AQR: variants seen among roughly 807,000 people sequenced by gnomAD.
AQR encodes RNA helicase aquarius.
Under a neutral mutation model 180.5 loss-of-function variants are expected in AQR, and 61 were observed. That is an observed-to-expected ratio of 0.34 (90% CI 0.28 to 0.42). The LOEUF (loss-of-function observed/expected upper bound fraction) is 0.42, where lower values mean the gene tolerates loss of function less well. AQR is among the 10% of genes least tolerant of loss of function. AQR has a pLI of 1.00. For missense variants in AQR, 1,281 were observed against 1,798.3 expected, an observed-to-expected ratio of 0.71 and a Z score of 5.20; for synonymous variants, 551 against 588.8, an observed-to-expected ratio of 0.94 and a Z score of 0.93.
intron 32 of AQR, among the ~76,000 whole-genome samples, 171 bp downstream of exon 32, chr15:34,867,353 A>G (rs1179165904): frequency 6.6e-6 from 1 of 152,176 alleles, no homozygotes; most frequent in Non-Finnish European, 1.5e-5. Context: ...TCCAGCAGCA[A>G]TGAGAATAGT....
In AQR at chr15:34,876,018, G is replaced by T. The variant is rs778483222; in HGVS notation, c.3166-12C>A. 1 of 1,602,466 alleles carries T rather than the reference G, an allele frequency of 6.2e-7. No homozygotes were observed. The highest frequency in any genetic ancestry group is 1.7e-5 in the Admixed American group (1 of 59,828). On this transcript the variant is annotated splice_polypyrimidine_tract_variant and intron_variant, in intron 27 of 34. Coordinates refer to ENST00000156471, the MANE Select transcript of AQR (RefSeq NM_014691.3). ...AAAATGTTGTCATACTAAGAAAGAG[G>T]AAATCTTGTCATAAAGACAGCTTAA...
At chr15:34,967,538 C>A (rs2050316254) in intron 1 of AQR, among the ~76,000 whole-genome samples, 1 of 152,038 alleles carries the variant, frequency 6.6e-6, no homozygotes, top group Non-Finnish European at 1.5e-5. Context: ...TCAGGAAAAG[C>A]CTCTCTAAAG....
intron 3 of AQR, among the ~76,000 whole-genome samples, chr15:34,956,639 G>A (rs1294241865): frequency 4.6e-5 from 6 of 130,064 alleles, no homozygotes; most frequent in African/African-American, 1.6e-4. Context: ...GGCAATAAGG[G>A]TGAAACTCCA....
Position 34,915,085 on chromosome 15 carries a change from A to G in AQR, c.1437T>C (p.Tyr479=), listed in dbSNP as rs368595447. 6.2e-5 allele frequency: 100 copies of G among 1,612,832 alleles called. 1 individual carries two copies. In the African/African-American group the frequency reaches 1.0e-3, roughly 16 times the overall value. The change falls in exon 16 of 35, where the codon TAT becomes TAC. Residue 479 remains tyrosine, a synonymous_variant. Coordinates refer to ENST00000156471, the MANE Select transcript of AQR (RefSeq NM_014691.3). ...NFNLFRLEST[Y]EIRQDIEDSV... ...TATCTTCAATGTCCTGACGAATTTCATAAGTTGATTCTAAGCGGAAGAGGT... is the reference window on the plus strand; with the variant it reads ...TATCTTCAATGTCCTGACGAATTTCGTAAGTTGATTCTAAGCGGAAGAGGT...
chr15:34,881,199 G>T (rs578096225), intron 27 of AQR, among the ~76,000 whole-genome samples: 1 of 152,012 alleles, frequency 6.6e-6, no homozygotes, highest in Admixed American at 6.6e-5. Flanking sequence ...AAACATTTAG[G>T]TGAAAAATTC....
rs909118617 is a variant in AQR at position 34,855,596 on chromosome 15, G to A, written c.*1196C>T. On this transcript the variant is annotated 3_prime_UTR_variant, in exon 35 of 35. Transcript: ENST00000156471. ...GGGACCTTGTAAGCAGAGGTCCCTT[G>A]TCAGAAAACATTAGTCACATTCACT... The A allele has an allele frequency of 2.1e-5, 3 of 146,230 alleles. No individual in the cohort carries two copies. The highest frequency in any genetic ancestry group is 7.7e-5 in the African/African-American group (3 of 39,022). The allele number at this position is 146,230 out of a possible 1,614,324, so 9.1% of individuals were successfully genotyped here.
intron 5 of AQR, among the ~76,000 whole-genome samples, chr15:34,946,189 G>A (rs904410188): frequency 5.3e-5 from 8 of 152,084 alleles, no homozygotes; most frequent in African/African-American, 1.7e-4. Context: ...GAGAATTGCT[G>A]GAACCTGGGA....
At chr15:34,861,084 G>C (rs1262854805) in intron 33 of AQR, among the ~76,000 whole-genome samples, 2 of 152,038 alleles carry the variant, frequency 1.3e-5, no homozygotes, top group Non-Finnish European at 2.9e-5. Context: ...CTTATGATAG[G>C]AACAATTTAG....
intron 4 of AQR, among the ~76,000 whole-genome samples, chr15:34,950,382 C>T (rs959266457): frequency 1.3e-5 from 2 of 151,882 alleles, no homozygotes; most frequent in East Asian, 1.9e-4. Context: ...GCCACCACTC[C>T]CGGCCCTCTT....
rs1243665795 is a variant in AQR, at chr15:34,852,073, G to A, written c.*4719C>T. ...TTACTTCACCCTCTGGTTACCTGTA[G>A]GGAAAAAAAATGTATTTTGGGGCTT... On this transcript the variant is annotated 3_prime_UTR_variant, in exon 35 of 35. Transcript: ENST00000156471. 1 of 151,678 alleles carries A rather than the reference G, an allele frequency of 6.6e-6. No homozygotes were observed. Among genetic ancestry groups the A allele is most frequent in the African/African-American group, 2.4e-5 (1 of 41,182 alleles). 9.4% of individuals were successfully genotyped at this position (151,678 alleles called of 1,614,324 possible). A position where few individuals can be genotyped will look rare whatever the true frequency, so the allele number is the denominator to read the frequency against.
intron 10 of AQR, among the ~76,000 whole-genome samples, chr15:34,934,301 T>C (rs1004108832): frequency 2.7e-5 from 4 of 148,532 alleles, no homozygotes; most frequent in Non-Finnish European, 4.5e-5. Context: ...ATACAATCCA[T>C]GGGCACCCAA....
At position 34,884,576 on chromosome 15, in the gene AQR, T is replaced by G; in HGVS notation, c.2976A>C (p.Glu992Asp). 6.2e-7 allele frequency: 1 copy of G among 1,603,182 alleles called. No individual in the cohort carries two copies. The highest frequency in any genetic ancestry group is 8.5e-7 in the Non-Finnish European group (1 of 1,177,422). The change falls in exon 26 of 35, where the codon GAA becomes GAC. Residue 992 changes from glutamate (E) to aspartate (D), a missense_variant. Glu to Asp is a conservative substitution (Grantham distance 45). Coordinates refer to ENST00000156471, the MANE Select transcript of AQR (RefSeq NM_014691.3). ...TATGCCTGAAACATCCTTCAGCAAT[T>G]TCCATGTCTTCTTCATAAGATCTTC... ...FKGRSYEEDM[E>D]IAEGCFRHIK...
At chr15:34,912,949 T>A (rs1296748494) in intron 16 of AQR, among the ~76,000 whole-genome samples, 1 of 152,210 alleles carries the variant, frequency 6.6e-6, no homozygotes, top group African/African-American at 2.4e-5. Context: ...GCTTGGTTAG[T>A]ATTGGGACAA....
rs1424835789 is a variant in AQR, at chr15:34,950,355, T to A, written c.210-1971A>T. 3.9e-5 allele frequency among the ~76,000 whole-genome samples: 6 copies of A among 152,170 alleles called. No homozygotes were observed. In the East Asian group the frequency reaches 1.2e-3, roughly 29 times the overall value. ...CACCCGCCTTGGCCTCCCAAAGTGCTGGGATTACAGGTGTAAGCCACCACT... is the reference window on the plus strand; with the variant it reads ...CACCCGCCTTGGCCTCCCAAAGTGCAGGGATTACAGGTGTAAGCCACCACT... On this transcript the variant is annotated intron_variant, in intron 4 of 34. Transcript: ENST00000156471.
chr15:34,894,972 C>T (rs982506288), intron 22 of AQR, among the ~76,000 whole-genome samples: 4 of 150,652 alleles, frequency 2.7e-5, no homozygotes, highest in Admixed American at 2.6e-4. Flanking sequence ...CAAGACCAGC[C>T]TGGCCAACAC....
At position 34,966,685 on chromosome 15, in the gene AQR, A is replaced by T. The variant is rs1461158124; in HGVS notation, c.76-2395T>A. Among the ~76,000 whole-genome samples, 3 of 152,178 alleles carry T rather than the reference A, an allele frequency of 2.0e-5. No individual in the cohort carries two copies. In the East Asian group the frequency reaches 5.8e-4, roughly 29 times the overall value. ...CACACTGTGTGATGACTATTTGTCA[A>T]ATGGATACATAAGTGAATTAATGAA... is the stretch of plus-strand genomic sequence containing the variant. On this transcript the variant is annotated intron_variant, in intron 1 of 34. Coordinates refer to ENST00000156471, the MANE Select transcript of AQR (RefSeq NM_014691.3).
chr15:34,879,188 A>G (rs1158304370), intron 27 of AQR, among the ~76,000 whole-genome samples: 4 of 152,222 alleles, frequency 2.6e-5, no homozygotes, highest in African/African-American at 9.6e-5. Context: ...CAAAGAGTTA[A>G]AGAAACCAGC....
At chr15:34,871,865 C>T (rs2140461966) in intron 30 of AQR, among the ~76,000 whole-genome samples, 1 of 151,408 alleles carries the variant, frequency 6.6e-6, no homozygotes, top group South Asian at 2.1e-4. Flanking sequence ...TGAGGAACCA[C>T]ACACAAAGCT....
At chr15:34,883,439 G>A (rs1462453912) in intron 26 of AQR, among the ~76,000 whole-genome samples, 2 of 152,022 alleles carry the variant, frequency 1.3e-5, no homozygotes, top group South Asian at 4.2e-4. Context: ...CCCTCCCAAG[G>A]CAGCTATTAT....
Sources: allele counts gnomAD v4.1 joint callset (sites outside exome capture counted in the v4.1 genomes callset), GRCh38; gene constraint gnomAD v4.1.1; transcripts MANE v1.5; gene names NCBI Gene and HGNC (gene_info 2026-07-23, HGNC 2026-07-21).